CREBBP: variants seen among roughly 807,000 people sequenced by gnomAD.
CREBBP encodes CREB binding lysine acetyltransferase, also known as CREB-binding protein.
Under a neutral mutation model 265.0 loss-of-function variants are expected in CREBBP, and 19 were observed. The observed-to-expected ratio is 0.07, with a 90% confidence interval of 0.05 to 0.11. The LOEUF (loss-of-function observed/expected upper bound fraction) is 0.11, where lower values mean the gene tolerates loss of function less well. Among genes scored for constraint, CREBBP ranks in the 10% least tolerant of loss-of-function variants. The probability of loss-of-function intolerance (pLI) is 1.00; values close to 1 mark genes in which losing one functional copy is unlikely to be tolerated. For synonymous variants in CREBBP, 1,457 were observed against 1,223.7 expected, an observed-to-expected ratio of 1.19 and a Z score of -3.98; for missense variants, 2,525 against 3,219.0, an observed-to-expected ratio of 0.78 and a Z score of 5.22.
intron 2 of CREBBP, among the ~76,000 whole-genome samples, chr16:3,827,494 A>G (rs2054260696): frequency 6.6e-6 from 1 of 151,882 alleles, no homozygotes; most frequent in Non-Finnish European, 1.5e-5. Context: ...CAGGTTCACG[A>G]GATTCTTCTG....
chr16:3,778,012 T>C lies in CREBBP; in HGVS notation c.2112A>G (p.Pro704=), dbSNP rs398124142. ...VIPQAQPVRP[P]NGPLSLPVNR... is the part of the protein sequence containing the mutation. ...GGCAGTAGGAAATAAAATCCTTACTTGGAGGTCTCACAGGTTGTGCCTGTG... is the reference window on the plus strand; with the variant it reads ...GGCAGTAGGAAATAAAATCCTTACTCGGAGGTCTCACAGGTTGTGCCTGTG... The change falls in exon 10 of 31, where the codon CCA becomes CCG. Residue 704 remains proline, a splice_region_variant and synonymous_variant. Coordinates refer to ENST00000262367, the MANE Select transcript of CREBBP (RefSeq NM_004380.3). 51 of 1,614,064 alleles carry C rather than the reference T, an allele frequency of 3.2e-5. No individual in the cohort carries two copies. Among genetic ancestry groups the C allele is most frequent in the Non-Finnish European group, 4.2e-5 (49 of 1,180,032 alleles).
chr16:3,850,281 G>A lies in CREBBP; in HGVS notation c.798+16C>T. ...CGGTTAGGTAGGAAGTATTGAAAGT[G>A]CTTCAGTTCACTTACCTTGGCCATG... On this transcript the variant is annotated intron_variant, in intron 2 of 30. Coordinates refer to ENST00000262367, the MANE Select transcript of CREBBP (RefSeq NM_004380.3). The A allele has an allele frequency of 1.2e-6, 2 of 1,613,688 alleles. No homozygotes were observed. The highest frequency in any genetic ancestry group is 1.7e-6 in the Non-Finnish European group (2 of 1,179,554).
At chr16:3,805,550 CAGAG>C (rs1301275959) in intron 3 of CREBBP, among the ~76,000 whole-genome samples, 4 of 152,208 alleles carry the variant, frequency 2.6e-5, no homozygotes, top group Admixed American at 2.6e-4. Context: ...AAGACGACAA[CAGAG>C]AGAGATCCTG....
At chr16:3,858,567 TGCTTC>T (rs1469792100) in intron 1 of CREBBP, among the ~76,000 whole-genome samples, 4 of 152,252 alleles carry the variant, frequency 2.6e-5, no homozygotes, top group Admixed American at 2.6e-4. Flanking sequence ...TAGCATAAAA[TGCTTC>T]GTATGTACTA....
intron 28 of CREBBP, among the ~76,000 whole-genome samples, chr16:3,733,191 T>C (rs1046162048): frequency 4.6e-5 from 7 of 151,262 alleles, no homozygotes; most frequent in Non-Finnish European, 7.4e-5. Flanking sequence ...TGAAACTCCG[T>C]CTCTACTAAA....
intron 2 of CREBBP, among the ~76,000 whole-genome samples, chr16:3,818,167 C>T (rs930484318): frequency 2.0e-5 from 3 of 152,146 alleles, no homozygotes; most frequent in Admixed American, 1.3e-4. Context: ...GAGGGGGCCA[C>T]CATGTGACCA....
At chr16:3,855,556 C>T (rs1185021279) in intron 1 of CREBBP, among the ~76,000 whole-genome samples, 2 of 152,224 alleles carry the variant, frequency 1.3e-5, no homozygotes, top group Non-Finnish European at 2.9e-5. Flanking sequence ...TGAGCCATTG[C>T]ACCCGGCCAT....
At chr16:3,817,782 G>A (rs1274094298) in intron 2 of CREBBP, among the ~76,000 whole-genome samples, 2 of 152,214 alleles carry the variant, frequency 1.3e-5, no homozygotes, top group Admixed American at 6.5e-5. Context: ...CTCCACTGGG[G>A]GGAGGCAATG....
At chr16:3,812,150 T>G (rs1482562926) in intron 2 of CREBBP, among the ~76,000 whole-genome samples, 1 of 151,976 alleles carries the variant, frequency 6.6e-6, no homozygotes. Context: ...TATAGTATCC[T>G]CTCTACCACT....
At position 3,770,884 on chromosome 16, in the gene CREBBP, T is replaced by C. The variant is rs373531233; in HGVS notation, c.2566A>G (p.Thr856Ala). 4 of 1,613,440 alleles carry C rather than the reference T, an allele frequency of 2.5e-6. No homozygotes were observed. The highest frequency in any genetic ancestry group is 2.2e-5 in the East Asian group (1 of 44,866). Reference sequence around the variant, plus strand: ...GCAGCCGTGGAAGCAGGAGGCGGTGTTGGGTGCAGTGGTGACTGTGTCACT... The same window carrying C: ...GCAGCCGTGGAAGCAGGAGGCGGTGCTGGGTGCAGTGGTGACTGTGTCACT... ...PPVTQSPLHPTPPPASTAAGM... is the reference protein window; with the variant it reads ...PPVTQSPLHPAPPPASTAAGM... Residue 856 changes from threonine (T) to alanine (A), a missense_variant, in exon 14 of 31, where the codon ACA (threonine) becomes GCA (alanine). Physicochemically the swap from Thr to Ala is moderately conservative, Grantham distance 58. This residue lies in a region of CREBBP where 548 missense variants were observed against 533.0 expected (regional missense o/e 1.03). Transcript: ENST00000262367.
chr16:3,740,342 C>T (rs2052172196), intron 24 of CREBBP, 57 bp downstream of exon 24: 1 of 1,607,374 alleles, frequency 6.2e-7, no homozygotes. Context: ...AGAGCAGGCT[C>T]TGGCAAGCGG....
At chr16:3,780,530 CTT>C (rs1260449864) in intron 8 of CREBBP, among the ~76,000 whole-genome samples, 200 bp downstream of exon 8, 3 of 152,174 alleles carry the variant, frequency 2.0e-5, no homozygotes, top group Non-Finnish European at 2.9e-5. Flanking sequence ...CCAATGCTCT[CTT>C]TGTCACCCCC....
At chr16:3,826,559 C>T (rs1289146125) in intron 2 of CREBBP, among the ~76,000 whole-genome samples, 1 of 152,032 alleles carries the variant, frequency 6.6e-6, no homozygotes, top group Non-Finnish European at 1.5e-5. Flanking sequence ...TAAAAATGGC[C>T]CTTGGCTGCT....
chr16:3,831,495 C>T (rs1458282394), intron 2 of CREBBP, among the ~76,000 whole-genome samples: 5 of 152,124 alleles, frequency 3.3e-5, no homozygotes, highest in African/African-American at 9.6e-5. Context: ...ACCAGTGATA[C>T]AAACTTCTAC....
At chr16:3,758,503 G>T (rs2052637954) in intron 17 of CREBBP, among the ~76,000 whole-genome samples, 1 of 152,162 alleles carries the variant, frequency 6.6e-6, no homozygotes, top group Non-Finnish European at 1.5e-5. Context: ...GCCTTTGCAA[G>T]GCTATCCAGG....
chr16:3,784,704 A>G (rs2141258348), intron 5 of CREBBP, among the ~76,000 whole-genome samples: 1 of 152,208 alleles, frequency 6.6e-6, no homozygotes, highest in Middle Eastern at 3.4e-3. Flanking sequence ...TTTCCCGTAA[A>G]CCCTTTATTG....
At chr16:3,823,852 C>G (rs1232178720) in intron 2 of CREBBP, among the ~76,000 whole-genome samples, 1 of 152,116 alleles carries the variant, frequency 6.6e-6, no homozygotes, top group African/African-American at 2.4e-5. Context: ...CAGACCTTCC[C>G]AGCAAGGAGA....
intron 24 of CREBBP, 91 bp downstream of exon 24, chr16:3,740,308 A>G (rs2151339288): frequency 6.7e-7 from 1 of 1,501,874 alleles, no homozygotes; most frequent in African/African-American, 1.4e-5. Flanking sequence ...TGGAAGGATG[A>G]CCTCAAACTC....
intron 25 of CREBBP, 151 bp from the exon 26 acceptor site, chr16:3,738,823 G>A (rs2052134171): frequency 1.5e-6 from 1 of 669,564 alleles, no homozygotes; most frequent in Admixed American, 2.1e-5. Context: ...ACAGCTCACT[G>A]CAACCTCAAC....
Sources: allele counts gnomAD v4.1 joint callset (sites outside exome capture counted in the v4.1 genomes callset), GRCh38; gene constraint gnomAD v4.1.1; regional missense constraint gnomAD v4.1.1; transcripts MANE v1.5; gene names NCBI Gene and HGNC (gene_info 2026-07-23, HGNC 2026-07-21).